The following CTNND2 variants were observed in gnomAD, a reference collection of about 807,000 sequenced individuals.
CTNND2 encodes the protein catenin delta 2, also known as catenin delta-2.
Under a neutral mutation model 144.4 loss-of-function variants are expected in CTNND2, and 22 were observed. The observed-to-expected ratio is 0.15, with a 90% CI of 0.11 to 0.22. The LOEUF is 0.22. CTNND2 is among the 10% of genes least tolerant of loss of function. The pLI is 1.00. For synonymous variants in CTNND2, 751 were observed against 695.6 expected, an observed-to-expected ratio of 1.08 and a Z score of -1.25; for missense variants, 1,353 against 1,618.8, an observed-to-expected ratio of 0.84 and a Z score of 2.82.
chr5:11,192,635 G>C (rs551355957), intron 11 of CTNND2, among the ~76,000 whole-genome samples: 1 of 152,274 alleles, frequency 6.6e-6, no homozygotes, highest in East Asian at 1.9e-4. Flanking sequence ...TTTGAAGGCA[G>C]TGGAAAGGGG....
At chr5:11,865,877 G>A (rs1795737967) in intron 1 of CTNND2, among the ~76,000 whole-genome samples, 1 of 119,754 alleles carries the variant, frequency 8.4e-6, no homozygotes. Flanking sequence ...GGAATGTGGG[G>A]GCAACCTTTA....
intron 1 of CTNND2, among the ~76,000 whole-genome samples, chr5:11,856,853 C>CA (rs1795275763): frequency 6.6e-6 from 1 of 152,018 alleles, no homozygotes; most frequent in Non-Finnish European, 1.5e-5. Flanking sequence ...GAAATAAAAA[C>CA]AAAATCACAG....
intron 11 of CTNND2, among the ~76,000 whole-genome samples, chr5:11,194,645 A>G (rs982759916): frequency 1.9e-4 from 29 of 152,196 alleles, no homozygotes; most frequent in African/African-American, 6.8e-4. Flanking sequence ...GAAAACTTGA[A>G]GACCACCACA....
intron 9 of CTNND2, among the ~76,000 whole-genome samples, chr5:11,295,510 A>G (rs562775240): frequency 5.9e-4 from 90 of 152,368 alleles, no homozygotes; most frequent in African/African-American, 2.0e-3. Flanking sequence ...ACCAAAAAAG[A>G]GCCCGCATTG....
intron 5 of CTNND2, among the ~76,000 whole-genome samples, chr5:11,404,542 C>T (rs1480617493): frequency 2.1e-5 from 3 of 141,832 alleles, no homozygotes; most frequent in African/African-American, 7.5e-5. Context: ...TTGGTTACAT[C>T]AGTTACTGTT....
At chr5:11,880,517 C>CCACT (rs35964945) in intron 1 of CTNND2, among the ~76,000 whole-genome samples, 42,054 of 95,366 alleles carry the variant, frequency 0.44, 6,612 homozygotes, top group South Asian at 0.59. Flanking sequence ...CTACTACTAC[C>CCACT]ACTACTACTA....
rs542804647 is a variant in CTNND2, at chr5:11,556,643, T to C, written c.287+8301A>G. On this transcript the variant is annotated intron_variant, in intron 3 of 21. Coordinates refer to ENST00000304623, the MANE Select transcript of CTNND2 (RefSeq NM_001332.4). ...CTCTAGTTATAGAACTGTTGGCATT[T>C]GGGCTCATGAAATTTAGCTAATAAA... 5.9e-5 allele frequency among the ~76,000 whole-genome samples: 9 copies of C among 152,300 alleles called. No individual in the cohort carries two copies. The South Asian group carries it at 1.9e-3, about 32-fold the overall frequency.
At chr5:11,407,862 A>G (rs1164800502) in intron 5 of CTNND2, among the ~76,000 whole-genome samples, 1 of 152,158 alleles carries the variant, frequency 6.6e-6, no homozygotes, top group Non-Finnish European at 1.5e-5. Context: ...AGAGGTAAAT[A>G]TGGTATACGG....
intron 2 of CTNND2, among the ~76,000 whole-genome samples, chr5:11,662,030 T>TAC (rs894145940): frequency 4.5e-4 from 67 of 149,426 alleles, no homozygotes; most frequent in East Asian, 1.6e-3. Context: ...CACACATATA[T>TAC]ACACACACAC....
chr5:11,854,043 C>A (rs1399218964), intron 1 of CTNND2, among the ~76,000 whole-genome samples: 1 of 152,200 alleles, frequency 6.6e-6, no homozygotes, highest in South Asian at 2.1e-4. Flanking sequence ...CCTGGAAAAC[C>A]TGGCTGAGCA....
intron 2 of CTNND2, among the ~76,000 whole-genome samples, chr5:11,674,469 T>A (rs1784064637): frequency 1.3e-5 from 2 of 152,084 alleles, no homozygotes; most frequent in African/African-American, 4.8e-5. Context: ...ATTATCAACA[T>A]CCCCCACCAA....
At position 11,098,875 on chromosome 5, in the gene CTNND2, C is replaced by T. The variant is rs2301851; in HGVS notation, c.2464-127G>A. Reference sequence around the variant, plus strand: ...TCACATTTGCTGAACATAGACTGCACGGAGGCTATTGCATCAGCAGTCCAG... The same window carrying T: ...TCACATTTGCTGAACATAGACTGCATGGAGGCTATTGCATCAGCAGTCCAG... On this transcript the variant is annotated intron_variant, in intron 14 of 21. Transcript: ENST00000304623. 65,337 of 787,090 alleles carry T rather than the reference C, an allele frequency of 0.083. 5,716 individuals are homozygous for T. The highest frequency in any genetic ancestry group is 0.37 in the East Asian group (14,092 of 37,728). 48.8% of individuals were successfully genotyped at this position (787,090 alleles called of 1,614,324 possible). A position where few individuals can be genotyped will look rare whatever the true frequency, so the allele number is the denominator to read the frequency against.
chr5:11,552,925 A>G (rs1418090776), intron 3 of CTNND2, among the ~76,000 whole-genome samples: 4 of 152,104 alleles, frequency 2.6e-5, no homozygotes, highest in Non-Finnish European at 4.4e-5. Flanking sequence ...AAGCTTTTGG[A>G]CTCTCAGCAT....
At chr5:11,360,496 C>T (rs1303544023) in intron 8 of CTNND2, among the ~76,000 whole-genome samples, 1 of 152,084 alleles carries the variant, frequency 6.6e-6, no homozygotes, top group Non-Finnish European at 1.5e-5. Context: ...CAGAGTCATG[C>T]CCATGAACCC....
chr5:11,440,926 G>A (rs1001302302), intron 3 of CTNND2, among the ~76,000 whole-genome samples: 5 of 152,104 alleles, frequency 3.3e-5, no homozygotes, highest in Non-Finnish European at 5.9e-5. Flanking sequence ...CATGCAGAAG[G>A]AGCATACTTA....
At chr5:11,129,134 T>TC (rs1755191146) in intron 12 of CTNND2, among the ~76,000 whole-genome samples, 1 of 26,498 alleles carries the variant, frequency 3.8e-5, no homozygotes, top group African/African-American at 1.7e-4. Context: ...TATATATTTA[T>TC]ATATATTATA....
rs140256562 is a variant in CTNND2, at chr5:11,870,608, C to T, written c.37+33209G>A. The stretch of plus-strand genomic sequence containing the variant: ...TGAAAAAATGCATCAAGTGCCTAGT[C>T]GGCTTTTACAGAGCAAAGCAAGAAA... On this transcript the variant is annotated intron_variant, in intron 1 of 21. Coordinates refer to ENST00000304623, the MANE Select transcript of CTNND2 (RefSeq NM_001332.4). Among the ~76,000 whole-genome samples the T allele has an allele frequency of 2.6e-4, 40 of 152,290 alleles. No individual in the cohort carries two copies. In the South Asian group the frequency reaches 5.0e-3, roughly 19 times the overall value.
rs138825208 is a variant in CTNND2 at position 11,669,841 on chromosome 5, T to C, written c.174+62295A>G. Among the ~76,000 whole-genome samples the C allele has an allele frequency of 5.7e-3, 870 of 152,274 alleles. 7 individuals are homozygous for C. The highest frequency in any genetic ancestry group is 0.02 in the African/African-American group (838 of 41,556). On this transcript the variant is annotated intron_variant, in intron 2 of 21. Coordinates refer to ENST00000304623, the MANE Select transcript of CTNND2 (RefSeq NM_001332.4). ...TCTCTAGTTCTTGTAATTGTGATGT[T>C]AGGGAGTTGATTTTAGATCTTTCCT...
chr5:11,060,428 TG>T (rs913371935), intron 16 of CTNND2, among the ~76,000 whole-genome samples: 39 of 152,038 alleles, frequency 2.6e-4, no homozygotes, highest in Non-Finnish European at 1.5e-5. Context: ...ACAAATTACC[TG>T]ACAGATAAAA....
Sources: gnomAD v4.1 joint callset for allele counts (sites outside exome capture counted in the v4.1 genomes callset) on GRCh38, gnomAD v4.1.1 for gene constraint, MANE v1.5 for transcripts, NCBI Gene and HGNC (gene_info 2026-07-23, HGNC 2026-07-21) for gene names.